The following FRMD4A variants were observed in gnomAD, a reference collection of about 807,000 sequenced individuals.
FRMD4A encodes the protein FERM domain containing 4A.
In FRMD4A, 29 loss-of-function variants were observed where a neutral mutation model predicts 129.1. The observed-to-expected ratio is 0.22, with a 90% CI of 0.17 to 0.31. FRMD4A has a LOEUF of 0.31. Among genes scored for constraint, FRMD4A ranks in the 10% least tolerant of loss-of-function variants. The probability of loss-of-function intolerance (pLI) is 1.00; values close to 1 mark genes in which losing one functional copy is unlikely to be tolerated. For synonymous variants in FRMD4A, 634 were observed against 571.6 expected (o/e 1.11, Z -1.56); for missense variants, 1,272 against 1,375.8 (o/e 0.92, Z 1.19).
intron 2 of FRMD4A, among the ~76,000 whole-genome samples, chr10:13,992,952 C>CAAAAAAAAA (rs10648349): frequency 1.5e-5 from 1 of 65,986 alleles, no homozygotes; most frequent in Non-Finnish European, 2.5e-5. Context: ...GACTCTGTCT[C>CAAAAAAAAA]AAAAAAAAAA....
intron 2 of FRMD4A, among the ~76,000 whole-genome samples, chr10:13,964,749 G>A (rs2095473863): frequency 6.8e-6 from 1 of 147,612 alleles, no homozygotes; most frequent in Non-Finnish European, 1.5e-5. Context: ...TCAGCTCACT[G>A]CAACCTCTGC....
At chr10:13,772,152 A>C (rs1399233657) in intron 6 of FRMD4A, among the ~76,000 whole-genome samples, 1 of 139,766 alleles carries the variant, frequency 7.2e-6, no homozygotes, top group African/African-American at 2.7e-5. Flanking sequence ...TATAATAAAG[A>C]TATATAATAT....
At chr10:13,762,714 T>A in intron 6 of FRMD4A, 34 bp from the exon 7 acceptor site, 1 of 1,445,458 alleles carries the variant, frequency 6.9e-7, no homozygotes, top group Non-Finnish European at 9.7e-7. Flanking sequence ...AAGACAAGTT[T>A]GGTATTTAAC....
intron 2 of FRMD4A, among the ~76,000 whole-genome samples, chr10:14,070,237 G>A (rs949009100): frequency 3.3e-5 from 5 of 151,850 alleles, no homozygotes; most frequent in African/African-American, 9.7e-5. Flanking sequence ...CCCCTGTGAG[G>A]TGTAATCCAG....
intron 2 of FRMD4A, among the ~76,000 whole-genome samples, chr10:14,233,932 G>A (rs1843716054): frequency 6.6e-6 from 1 of 152,176 alleles, no homozygotes. Context: ...GGGACACAGG[G>A]AAAATATTCT....
chr10:14,036,380 G>A (rs531511359), intron 2 of FRMD4A, among the ~76,000 whole-genome samples: 25 of 152,248 alleles, frequency 1.6e-4, no homozygotes, highest in African/African-American at 5.5e-4. Context: ...GAAACTCACA[G>A]CAGAGAACAT....
chr10:13,915,605 G>C (rs551782162), intron 2 of FRMD4A, among the ~76,000 whole-genome samples: 2 of 151,612 alleles, frequency 1.3e-5, no homozygotes, highest in East Asian at 3.9e-4. Flanking sequence ...CTGGGAGGCG[G>C]AGCTTGCAGT....
intron 2 of FRMD4A, among the ~76,000 whole-genome samples, chr10:14,017,892 G>A (rs1192102622): frequency 6.6e-5 from 10 of 152,212 alleles, no homozygotes; most frequent in Admixed American, 5.2e-4. Flanking sequence ...TATGTTGAAT[G>A]TGTTCTAGAG....
At chr10:14,040,715 C>G (rs1040983623) in intron 2 of FRMD4A, among the ~76,000 whole-genome samples, 1 of 149,992 alleles carries the variant, frequency 6.7e-6, no homozygotes, top group African/African-American at 2.4e-5. Context: ...ATGAGTACTC[C>G]TCAGAAACCA....
chr10:13,749,531 G>A (rs924277502), intron 8 of FRMD4A, among the ~76,000 whole-genome samples: 1 of 152,160 alleles, frequency 6.6e-6, no homozygotes, highest in Non-Finnish European at 1.5e-5. Flanking sequence ...GAGAAATACA[G>A]CCAAGGGCAA....
chr10:13,807,991 G>C (rs766087668), intron 4 of FRMD4A, among the ~76,000 whole-genome samples: 6 of 152,014 alleles, frequency 3.9e-5, no homozygotes, highest in Non-Finnish European at 5.9e-5. Flanking sequence ...TAGAGACGGG[G>C]TTTCACCATG....
At chr10:13,994,175 A>ATTTTTTTTT (rs549621959) in intron 2 of FRMD4A, among the ~76,000 whole-genome samples, 1 of 101,974 alleles carries the variant, frequency 9.8e-6, no homozygotes, top group Non-Finnish European at 1.9e-5. Flanking sequence ...CGCCCAGCTA[A>ATTTTTTTTT]TTTTTTTTTT....
chr10:14,102,785 C>A (rs942874194), intron 2 of FRMD4A, among the ~76,000 whole-genome samples: 1 of 140,282 alleles, frequency 7.1e-6, no homozygotes, highest in African/African-American at 2.6e-5. Flanking sequence ...AAAAAAAAGT[C>A]CTGCAGAAAT....
At chr10:13,704,315 G>T (rs746666027) in intron 13 of FRMD4A, among the ~76,000 whole-genome samples, 1 of 152,052 alleles carries the variant, frequency 6.6e-6, no homozygotes, top group Non-Finnish European at 1.5e-5. Flanking sequence ...GGCCTCCCTG[G>T]GCCTCTCCCC....
chr10:14,110,229 A>G (rs2131792953), intron 2 of FRMD4A, among the ~76,000 whole-genome samples: 1 of 151,868 alleles, frequency 6.6e-6, no homozygotes, highest in East Asian at 1.9e-4. Context: ...ACAAGTATGC[A>G]TACACAAACT....
chr10:14,328,072 G>A (rs1375780483), intron 2 of FRMD4A, among the ~76,000 whole-genome samples: 1 of 152,106 alleles, frequency 6.6e-6, no homozygotes, highest in Non-Finnish European at 1.5e-5. Context: ...AGTCCATAGG[G>A]GAAAATTTCC....
At position 14,223,029 on chromosome 10, in the gene FRMD4A, G is replaced by A. The variant is rs138959275; in HGVS notation, c.45+107029C>T. On this transcript the variant is annotated intron_variant, in intron 2 of 24. Coordinates refer to ENST00000357447, the MANE Select transcript of FRMD4A (RefSeq NM_018027.5). ...CTTGAACCTGGGAGTCAGAGTTGCA[G>A]TGCGCTGAGATTGCACCACTGCACT... 4.4e-4 allele frequency among the ~76,000 whole-genome samples: 67 copies of A among 152,326 alleles called. No individual in the cohort carries two copies. The East Asian group carries it at 0.012, about 28-fold the overall frequency.
chr10:13,976,276 G>A (rs2095541798), intron 2 of FRMD4A, among the ~76,000 whole-genome samples: 1 of 152,198 alleles, frequency 6.6e-6, no homozygotes, highest in Non-Finnish European at 1.5e-5. Context: ...ATTGGGGAAG[G>A]GAACTTGGGC....
intron 2 of FRMD4A, among the ~76,000 whole-genome samples, chr10:14,091,481 T>G (rs554867911): frequency 2.8e-4 from 42 of 152,244 alleles, no homozygotes; most frequent in Non-Finnish European, 5.1e-4. Flanking sequence ...GTCACCAGGC[T>G]GGACTGCAGT....
Sources: allele counts gnomAD v4.1 joint callset (sites outside exome capture counted in the v4.1 genomes callset), GRCh38; gene constraint gnomAD v4.1.1; transcripts MANE v1.5; gene names NCBI Gene and HGNC (gene_info 2026-07-23, HGNC 2026-07-21).